MID2: variants seen among roughly 807,000 people sequenced by gnomAD.
The protein encoded by MID2 is probable E3 ubiquitin-protein ligase MID2.
Under a neutral mutation model 46.1 loss-of-function variants are expected in MID2, and 13 were observed. That is an observed-to-expected ratio of 0.28 (90% CI 0.18 to 0.45). The LOEUF is 0.45. Ranked by LOEUF, MID2 falls within the 20% of genes least tolerant of loss-of-function variation. The pLI, the probability that MID2 is intolerant of heterozygous loss-of-function variation, is 1.00. For missense variants in MID2, 431 were observed against 575.4 expected (o/e 0.75, Z 2.57); for synonymous variants, 199 against 212.3 (o/e 0.94, Z 0.55).
At chrX:107,901,153 A>G (rs1932791817) in intron 3 of MID2, 1 of 112,085 alleles carries the variant, frequency 8.9e-6, no homozygotes, top group South Asian at 3.8e-4. Context: ...GAATAAGGGT[A>G]GTCAAGTGAA....
At chrX:107,903,813 T>C (rs1341647098) in intron 3 of MID2, 145 bp from the exon 4 acceptor site, 3 of 441,757 alleles carry the variant, frequency 6.8e-6, no homozygotes, top group Non-Finnish European at 1.2e-5. Flanking sequence ...ATTAATATCA[T>C]CATCTCTACC....
At chrX:107,924,182 G>A (rs1036389386) in intron 7 of MID2, among the ~76,000 whole-genome samples, 161 bp from the exon 8 acceptor site, 5 of 112,506 alleles carry the variant, frequency 4.4e-5, no homozygotes, top group Admixed American at 2.8e-4. Context: ...TGAAATAGTG[G>A]AATCATAAGC....
intron 3 of MID2, among the ~76,000 whole-genome samples, chrX:107,898,342 G>C (rs770649892): frequency 9.0e-6 from 1 of 111,521 alleles, no homozygotes; most frequent in Admixed American, 9.5e-5. Flanking sequence ...CTATTTTTCT[G>C]CTTATGCTTT....
chrX:107,923,710 A>C (rs1434861461), intron 7 of MID2, among the ~76,000 whole-genome samples: 1 of 111,549 alleles, frequency 9.0e-6, no homozygotes, highest in Non-Finnish European at 1.9e-5. Flanking sequence ...TGAGAGCCTC[A>C]CTACCTTGCA....
At chrX:107,851,208 T>C (rs1931604312) in intron 2 of MID2, among the ~76,000 whole-genome samples, 1 of 111,291 alleles carries the variant, frequency 9.0e-6, no homozygotes, top group South Asian at 3.8e-4. Flanking sequence ...AGTTATTATA[T>C]TCACCTTATG....
intron 3 of MID2, among the ~76,000 whole-genome samples, chrX:107,880,360 G>A (rs146238646): frequency 0.022 from 2,466 of 111,034 alleles, 60 homozygotes; most frequent in African/African-American, 0.077. Context: ...AGGCTCAAGC[G>A]ATCTGCCCAC....
chrX:107,828,440 T>C (rs964048980), intron 1 of MID2, among the ~76,000 whole-genome samples: 14 of 108,110 alleles, frequency 1.3e-4, no homozygotes, highest in African/African-American at 4.8e-4. Flanking sequence ...GCATCTCAAG[T>C]AGTTGGGAAC....
At chrX:107,910,799 T>C (rs1019495392) in intron 5 of MID2, among the ~76,000 whole-genome samples, 7 of 20,365 alleles carry the variant, frequency 3.4e-4, no homozygotes, top group African/African-American at 1.4e-3. Flanking sequence ...TTTCCTTTCC[T>C]TTCCTTTCCT....
chrX:107,836,755 C>T (rs766307696), intron 1 of MID2, among the ~76,000 whole-genome samples: 3 of 110,928 alleles, frequency 2.7e-5, no homozygotes, highest in East Asian at 2.8e-4. Flanking sequence ...TGATTGAACA[C>T]GTCTGAAGAA....
At chrX:107,924,001 G>T (rs927524405) in intron 7 of MID2, among the ~76,000 whole-genome samples, 4 of 112,043 alleles carry the variant, frequency 3.6e-5, no homozygotes, top group East Asian at 2.8e-4. Context: ...AGGAGTGGAC[G>T]TTTGGAGTAA....
At chrX:107,895,449 A>G (rs1932709879) in intron 3 of MID2, 1 of 111,931 alleles carries the variant, frequency 8.9e-6, no homozygotes, top group African/African-American at 3.2e-5. Flanking sequence ...GTGATTTGCT[A>G]TGTCACTCAT....
chrX:107,914,978 T>C (rs1407939896), intron 5 of MID2, among the ~76,000 whole-genome samples: 1 of 112,310 alleles, frequency 8.9e-6, no homozygotes, highest in Admixed American at 9.4e-5. Flanking sequence ...TACATAGTGT[T>C]ATGGTAAAGA....
At chrX:107,828,301 CTTTCTTTTCTT>C (rs1294128081) in intron 1 of MID2, among the ~76,000 whole-genome samples, 4 of 92,704 alleles carry the variant, frequency 4.3e-5, no homozygotes, top group Admixed American at 3.3e-4. Context: ...TCTTTTCTTT[CTTTCTTTTCTT>C]TTTTTTTTTT....
intron 6 of MID2, 100 bp from the exon 7 acceptor site, chrX:107,917,406 C>A: frequency 1.5e-6 from 1 of 662,574 alleles, no homozygotes; most frequent in Non-Finnish European, 2.4e-6. Flanking sequence ...TTAAGAAAAT[C>A]TCTTCAAGAG....
chrX:107,881,477 C>T lies in MID2; in HGVS notation c.817-22481C>T, dbSNP rs141499771. Among the ~76,000 whole-genome samples, 852 of 112,273 alleles carry T rather than the reference C, an allele frequency of 7.6e-3. 11 individuals are homozygous for T. Among genetic ancestry groups the T allele is most frequent in the African/African-American group, 0.026 (806 of 30,851 alleles). Reference sequence around the variant, plus strand: ...TAGATTTCTCACTCTCTTTGTTCTGCCCAGTGATGACCTTTTCTTCTCTCT... The same window carrying T: ...TAGATTTCTCACTCTCTTTGTTCTGTCCAGTGATGACCTTTTCTTCTCTCT... On this transcript the variant is annotated intron_variant, in intron 3 of 9. Transcript: ENST00000262843.
intron 3 of MID2, among the ~76,000 whole-genome samples, chrX:107,874,237 G>A (rs1409025831): frequency 8.9e-6 from 1 of 111,789 alleles, no homozygotes; most frequent in Admixed American, 9.4e-5. Flanking sequence ...CTGGATTTAG[G>A]GAGGGACAGG....
intron 6 of MID2, among the ~76,000 whole-genome samples, 198 bp downstream of exon 6, chrX:107,916,327 TC>T (rs1447108256): frequency 8.9e-6 from 1 of 112,445 alleles, no homozygotes; most frequent in East Asian, 2.8e-4. Flanking sequence ...GTTAACTATT[TC>T]TAGGGTCAAA....
chrX:107,834,475 A>C (rs1931162194), intron 1 of MID2, among the ~76,000 whole-genome samples: 1 of 112,016 alleles, frequency 8.9e-6, no homozygotes, highest in African/African-American at 3.2e-5. Context: ...TCCTTAGCAT[A>C]CTCTCTAACT....
Position 107,916,666 on chromosome X carries a change from C to T in MID2, c.1201+537C>T, listed in dbSNP as rs749899944. On this transcript the variant is annotated intron_variant, in intron 6 of 9. Coordinates refer to ENST00000262843, the MANE Select transcript of MID2 (RefSeq NM_012216.4). ...ATTTCATGAAAAAAATATACACAAA[C>T]AATTTTTGAACTGTTTTGTTACTAT... 2.7e-5 allele frequency among the ~76,000 whole-genome samples: 3 copies of T among 112,512 alleles called. No individual in the cohort carries two copies. The East Asian group carries it at 8.3e-4, about 31-fold the overall frequency.
Sources: gnomAD v4.1 joint callset for allele counts (sites outside exome capture counted in the v4.1 genomes callset) on GRCh38, gnomAD v4.1.1 for gene constraint, MANE v1.5 for transcripts, NCBI Gene and HGNC (gene_info 2026-07-23, HGNC 2026-07-21) for gene names.